Variants in CHL1 observed in about 807,000 individuals in gnomAD.
The protein encoded by CHL1 is neural cell adhesion molecule L1-like protein.
Under a neutral mutation model 141.9 loss-of-function variants are expected in CHL1, and 96 were observed. That is an observed-to-expected ratio of 0.68 (90% CI 0.57 to 0.80). The LOEUF (loss-of-function observed/expected upper bound fraction) is 0.80, where lower values mean the gene tolerates loss of function less well. Ranked by LOEUF, CHL1 falls within the 30% of genes least tolerant of loss-of-function variation. The pLI is 0.00. For synonymous variants in CHL1, 613 were observed against 502.2 expected, an observed-to-expected ratio of 1.22 and a Z score of -2.95; for missense variants, 1,820 against 1,457.2, an observed-to-expected ratio of 1.25 and a Z score of -4.05.
At chr3:342,171 G>C (rs560711932) in intron 7 of CHL1, 89 bp downstream of exon 7, 6 of 1,261,968 alleles carry the variant, frequency 4.8e-6, no homozygotes, top group Admixed American at 2.2e-5. Context: ...TTAAAGCTGG[G>C]TTGATATTTT....
At chr3:272,805 T>C (rs940908254) in intron 2 of CHL1, among the ~76,000 whole-genome samples, 2 of 152,216 alleles carry the variant, frequency 1.3e-5, no homozygotes, top group South Asian at 2.1e-4. Flanking sequence ...CAGTCTTTCA[T>C]CCATCCAGTA....
At chr3:300,805 T>A (rs1698658657) in intron 2 of CHL1, among the ~76,000 whole-genome samples, 2 of 151,582 alleles carry the variant, frequency 1.3e-5, no homozygotes. Context: ...AAAACCCTTG[T>A]GATATGAAAG....
At chr3:401,998 G>A (rs1709179499) in intron 27 of CHL1, among the ~76,000 whole-genome samples, 1 of 152,162 alleles carries the variant, frequency 6.6e-6, no homozygotes, top group Non-Finnish European at 1.5e-5. Flanking sequence ...CTATAGCATG[G>A]CCATTATGAA....
chr3:373,126 C>G (rs1319792223), intron 15 of CHL1, among the ~76,000 whole-genome samples: 1 of 152,210 alleles, frequency 6.6e-6, no homozygotes, highest in Non-Finnish European at 1.5e-5. Flanking sequence ...CACTTTGTCC[C>G]TTGGTGGAGG....
chr3:391,645 T>G, intron 22 of CHL1, 30 bp from the exon 23 acceptor site: 1 of 1,539,120 alleles, frequency 6.5e-7, no homozygotes. Context: ...CTAATTGATG[T>G]GAGTTTATTT....
intron 5 of CHL1, among the ~76,000 whole-genome samples, chr3:337,195 T>G (rs1399518183): frequency 1.1e-4 from 16 of 145,350 alleles, no homozygotes; most frequent in Admixed American, 4.8e-4. Flanking sequence ...GTTTTTGTTT[T>G]TTTTTTTTTT....
At chr3:296,147 T>G (rs976452727) in intron 2 of CHL1, among the ~76,000 whole-genome samples, 3 of 152,176 alleles carry the variant, frequency 2.0e-5, no homozygotes, top group African/African-American at 7.2e-5. Flanking sequence ...GTGCATCAGC[T>G]GAAACTTCAT....
chr3:393,429 A>G (rs1254942473), intron 23 of CHL1, among the ~76,000 whole-genome samples: 1 of 152,040 alleles, frequency 6.6e-6, no homozygotes. Flanking sequence ...AGGAAACTCA[A>G]CTAATTAAAT....
In CHL1 at chr3:389,463, C is replaced by G. The variant is rs148510818; in HGVS notation, c.2459C>G (p.Ser820Cys). The G allele has an allele frequency of 6.2e-7, 1 of 1,613,380 alleles. No individual in the cohort carries two copies. The highest frequency in any genetic ancestry group is 8.5e-7 in the Non-Finnish European group (1 of 1,179,356). Residue 820 changes from serine (S) to cysteine (C), a missense_variant, in exon 20 of 28, where the codon TCT (serine) becomes TGT (cysteine). Ser to Cys is a moderately radical substitution (Grantham distance 112). Coordinates refer to ENST00000256509, the MANE Select transcript of CHL1 (RefSeq NM_006614.4). ...GPDPQSVTLY[S>C]GEDYPDTAPV... is the part of the protein sequence containing the mutation. ...GACCCTCAGTCAGTGACTCTCTATT[C>G]TGGAGAAGACTGTAAGTGATGCACC...
At chr3:352,611 T>A (rs900032371) in intron 10 of CHL1, among the ~76,000 whole-genome samples, 1 of 152,156 alleles carries the variant, frequency 6.6e-6, no homozygotes, top group Non-Finnish European at 1.5e-5. Flanking sequence ...TTTTTGGTTT[T>A]AAGGCTCAAG....
chr3:248,536 C>T (rs945569545), intron 2 of CHL1: 9 of 152,000 alleles, frequency 5.9e-5, no homozygotes, highest in African/African-American at 2.2e-4. Context: ...TGAGTTTGGA[C>T]ATATCCGAGG....
At chr3:368,678 A>G (rs946536918) in intron 15 of CHL1, among the ~76,000 whole-genome samples, 12 of 152,076 alleles carry the variant, frequency 7.9e-5, no homozygotes, top group Non-Finnish European at 1.6e-4. Flanking sequence ...ATGCCTATGT[A>G]CTGAATGGTA....
chr3:261,738 T>G (rs923463416), intron 2 of CHL1, among the ~76,000 whole-genome samples: 8 of 151,858 alleles, frequency 5.3e-5, no homozygotes, highest in African/African-American at 1.9e-4. Context: ...CTCAAAATCC[T>G]CTCCTCAGTA....
chr3:242,124 T>G (rs4685489), intron 1 of CHL1, among the ~76,000 whole-genome samples: 82,945 of 151,540 alleles, frequency 0.55, 23,636 homozygotes, highest in Non-Finnish European at 0.63. Flanking sequence ...TAAGAAAAGA[T>G]TAAAAGGAGA....
intron 16 of CHL1, 47 bp from the exon 17 acceptor site, chr3:382,132 G>GC (rs746909635): frequency 6.5e-7 from 1 of 1,528,512 alleles, no homozygotes; most frequent in East Asian, 2.3e-5. Context: ...AAGGGAATCA[G>GC]GTAAACAAAG....
chr3:307,333 C>T (rs1264125238), intron 2 of CHL1, among the ~76,000 whole-genome samples: 2 of 151,984 alleles, frequency 1.3e-5, no homozygotes, highest in East Asian at 1.9e-4. Flanking sequence ...CACACACAAA[C>T]GTACACTTCA....
chr3:243,881 A>G (rs2125106694), intron 1 of CHL1, among the ~76,000 whole-genome samples: 1 of 152,306 alleles, frequency 6.6e-6, no homozygotes, highest in Admixed American at 6.5e-5. Flanking sequence ...ATGTTGACTT[A>G]TTCCAATCGT....
chr3:318,497 A>C (rs921612441), intron 2 of CHL1, among the ~76,000 whole-genome samples: 3 of 151,906 alleles, frequency 2.0e-5, no homozygotes, highest in African/African-American at 4.8e-5. Context: ...TAGACAATGT[A>C]TAAACAATGT....
rs201792953 is a variant in CHL1, at chr3:206,958, CG to C, written c.-175+9896del. 4.1e-3 allele frequency among the ~76,000 whole-genome samples: 623 copies of C among 152,284 alleles called. 5 individuals are homozygous for C. The highest frequency in any genetic ancestry group is 0.014 in the African/African-American group (590 of 41,550). ...TGCTATTCCAGATTAAAATAGAAAT[CG>C]TTGGCAATGGCAGATGCCATATCTC... On this transcript the variant is annotated intron_variant, in intron 1 of 27. Coordinates refer to ENST00000256509, the MANE Select transcript of CHL1 (RefSeq NM_006614.4).
Sources: gnomAD v4.1 joint callset for allele counts (sites outside exome capture counted in the v4.1 genomes callset) on GRCh38, gnomAD v4.1.1 for gene constraint, MANE v1.5 for transcripts, NCBI Gene and HGNC (gene_info 2026-07-23, HGNC 2026-07-21) for gene names.